Variants in EPG5 observed in about 807,000 individuals in gnomAD.
EPG5 encodes the protein ectopic P-granules 5 autophagy tethering factor.
A neutral mutation model predicts 302.7 loss-of-function variants in EPG5; 159 were observed. That is an observed-to-expected ratio of 0.53 (90% CI 0.46 to 0.60). EPG5 has a LOEUF of 0.60. Among genes scored for constraint, EPG5 ranks in the 20% least tolerant of loss-of-function variants. EPG5 has a pLI of 0.00. For synonymous variants in EPG5, 1,158 were observed against 1,136.8 expected, an observed-to-expected ratio of 1.02 and a Z score of -0.37; for missense variants, 2,896 against 3,092.4, an observed-to-expected ratio of 0.94 and a Z score of 1.51.
intron 28 of EPG5, 87 bp downstream of exon 28, chr18:45,889,711 C>G (rs2049297413): frequency 8.0e-7 from 1 of 1,242,622 alleles, no homozygotes; most frequent in South Asian, 1.7e-5. Context: ...GTGGGTGCTG[C>G]AGGGGTGGTG....
intron 35 of EPG5, among the ~76,000 whole-genome samples, chr18:45,875,619 G>A (rs1056114308): frequency 1.3e-5 from 2 of 151,948 alleles, no homozygotes; most frequent in Non-Finnish European, 2.9e-5. Flanking sequence ...AAAAAAGACA[G>A]AAAATATGAA....
the EPG5 span, among the ~76,000 whole-genome samples, chr18:45,831,573 A>G: frequency 6.6e-6 from 1 of 152,248 alleles, no homozygotes; most frequent in Non-Finnish European, 1.5e-5. Flanking sequence ...AGCACCCAGC[A>G]GAGTCTCTAG....
In EPG5 at chr18:45,878,620, C is replaced by T. The variant is rs7228722; in HGVS notation, c.5870-172G>A. Among the ~76,000 whole-genome samples, 120,892 of 152,198 alleles carry T rather than the reference C, an allele frequency of 0.79. 48,734 individuals are homozygous for T. The highest frequency in any genetic ancestry group is 0.93 in the African/African-American group (38,490 of 41,550). On this transcript the variant is annotated intron_variant, in intron 33 of 43. Transcript: ENST00000282041. ...TATGTTTACGTTTTCATTGGCTACA[C>T]TGGAATTTCTCTGAATTGAAGAATT... is the stretch of plus-strand genomic sequence containing the variant.
chr18:45,934,708 A>G (rs2050477586), intron 11 of EPG5, 101 bp downstream of exon 11: 3 of 1,364,240 alleles, frequency 2.2e-6, no homozygotes, highest in Non-Finnish European at 3.0e-6. Context: ...ATGTAGAGTA[A>G]AACATTTTCT....
intron 8 of EPG5, 56 bp from the exon 9 acceptor site, chr18:45,943,367 C>T (rs1456563480): frequency 1.2e-5 from 17 of 1,445,990 alleles, no homozygotes; most frequent in Non-Finnish European, 1.5e-5. Context: ...AAAACATGAA[C>T]GGATACATCT....
chr18:45,931,221 G>T (rs1432913229), intron 11 of EPG5, among the ~76,000 whole-genome samples: 1 of 152,122 alleles, frequency 6.6e-6, no homozygotes, highest in African/African-American at 2.4e-5. Flanking sequence ...AAGCTACTTG[G>T]TAACTGTCAG....
At chr18:45,857,797 G>C in intron 42 of EPG5, 56 bp downstream of exon 42, 1 of 1,425,860 alleles carries the variant, frequency 7.0e-7, no homozygotes, top group Non-Finnish European at 9.9e-7. Flanking sequence ...CCTGTAAGTA[G>C]GTACAGATGT....
downstream of EPG5, chr18:45,843,873 T>C (rs1301142987): frequency 6.6e-6 from 1 of 151,578 alleles, no homozygotes. Context: ...AGAGACTGTC[T>C]CCAAAGAAAA....
the EPG5 span, among the ~76,000 whole-genome samples, chr18:45,805,666 G>A: frequency 1.3e-5 from 2 of 152,110 alleles, no homozygotes; most frequent in African/African-American, 4.8e-5. Flanking sequence ...TATACAGATA[G>A]AGTGAAAGTA....
intron 27 of EPG5, among the ~76,000 whole-genome samples, chr18:45,895,797 T>C (rs1201270608): frequency 6.6e-6 from 1 of 152,182 alleles, no homozygotes; most frequent in Non-Finnish European, 1.5e-5. Context: ...AACCTACCTT[T>C]TGCAGGACAT....
intron 42 of EPG5, 119 bp downstream of exon 42, chr18:45,857,725 TCCATTAATC>T: frequency 3.2e-6 from 2 of 628,720 alleles, no homozygotes; most frequent in South Asian, 2.6e-5. Flanking sequence ...TTTTTTTTTT[TCCATTAATC>T]TTTCTGGAGA....
chr18:45,886,713 C>T (rs1599494479), intron 29 of EPG5, among the ~76,000 whole-genome samples: 2 of 152,182 alleles, frequency 1.3e-5, no homozygotes, highest in Admixed American at 1.3e-4. Flanking sequence ...GGCTGGAGTG[C>T]AATAGCATGA....
intron 35 of EPG5, among the ~76,000 whole-genome samples, 185 bp downstream of exon 35, chr18:45,876,051 C>T (rs2048964104): frequency 6.7e-6 from 1 of 148,778 alleles, no homozygotes; most frequent in African/African-American, 2.5e-5. Context: ...AGCAAGACTC[C>T]ATCTCCAAAA....
chr18:45,901,382 T>C (rs1163347476), intron 25 of EPG5, among the ~76,000 whole-genome samples: 1 of 152,178 alleles, frequency 6.6e-6, no homozygotes, highest in Non-Finnish European at 1.5e-5. Context: ...AAAGCTACTA[T>C]CTAGTGCCTT....
At position 45,910,627 on chromosome 18, in the gene EPG5, T is replaced by G; in HGVS notation, c.4099A>C (p.Ser1367Arg). 1 of 1,614,204 alleles carries G rather than the reference T, an allele frequency of 6.2e-7. No homozygotes were observed. The highest frequency in any genetic ancestry group is 8.5e-7 in the Non-Finnish European group (1 of 1,180,040). The change falls in exon 23 of 44, where the codon AGC becomes CGC. Residue 1367 changes from serine (S) to arginine (R), a missense_variant. Physicochemically the swap from Ser to Arg is moderately radical, Grantham distance 110 (BLOSUM62 -1). Coordinates refer to ENST00000282041, the MANE Select transcript of EPG5 (RefSeq NM_020964.3). ...TCTGCTGGAACACGGAGGGCCTTGCTTGCAGCATGGTGGAAGTCAGCCACC... is the reference window on the plus strand; with the variant it reads ...TCTGCTGGAACACGGAGGGCCTTGCGTGCAGCATGGTGGAAGTCAGCCACC... Reference protein sequence around the residue: ...TEVADFHHAASKALRVPAEGS... With the variant: ...TEVADFHHAARKALRVPAEGS...
the EPG5 span, chr18:45,825,781 G>A: frequency 6.2e-7 from 1 of 1,614,232 alleles, no homozygotes; most frequent in South Asian, 1.1e-5. Context: ...CTCCCGACAG[G>A]TGAGTGTCTG....
chr18:45,922,774 T>G (rs898459294), intron 15 of EPG5, among the ~76,000 whole-genome samples, 174 bp from the exon 16 acceptor site: 1 of 152,222 alleles, frequency 6.6e-6, no homozygotes, highest in African/African-American at 2.4e-5. Flanking sequence ...CACTCGCAAC[T>G]TGCGCTTACT....
the EPG5 span, among the ~76,000 whole-genome samples, chr18:45,813,879 A>G: frequency 6.6e-6 from 1 of 152,120 alleles, no homozygotes. Flanking sequence ...AAACCTGCAC[A>G]TTGTGCTGAT....
intron 27 of EPG5, among the ~76,000 whole-genome samples, chr18:45,893,361 T>C (rs1306842465): frequency 6.6e-6 from 1 of 151,806 alleles, no homozygotes; most frequent in African/African-American, 2.4e-5. Context: ...GGTCAGGAGG[T>C]CAAGACCAGC....
Sources: gnomAD v4.1 joint callset for allele counts (sites outside exome capture counted in the v4.1 genomes callset) on GRCh38, gnomAD v4.1.1 for gene constraint, MANE v1.5 for transcripts, NCBI Gene and HGNC (gene_info 2026-07-23, HGNC 2026-07-21) for gene names.